The following HPS5 variants were observed in gnomAD, a reference collection of about 807,000 sequenced individuals.
HPS5 encodes the protein BLOC-2 complex member HPS5.
Under a neutral mutation model 128.0 loss-of-function variants are expected in HPS5, and 83 were observed. The ratio of observed to expected loss-of-function variants is 0.65; its 90% CI spans 0.54 to 0.78. HPS5 has a LOEUF of 0.78. Among genes scored for constraint, HPS5 ranks in the 30% least tolerant of loss-of-function variants. HPS5 has a pLI of 0.00. For missense variants in HPS5, 1,281 were observed against 1,326.2 expected, an observed-to-expected ratio of 0.97 and a Z score of 0.53; for synonymous variants, 475 against 470.2, an observed-to-expected ratio of 1.01 and a Z score of -0.13.
intron 22 of HPS5, among the ~76,000 whole-genome samples, chr11:18,281,360 C>T (rs962945027): frequency 4.0e-5 from 6 of 151,336 alleles, no homozygotes; most frequent in African/African-American, 1.2e-4. Flanking sequence ...TCCCCAAGTA[C>T]TGGGATTACA....
At chr11:18,313,423 G>A (rs759854828) in intron 2 of HPS5, among the ~76,000 whole-genome samples, 3 of 152,224 alleles carry the variant, frequency 2.0e-5, no homozygotes, top group Non-Finnish European at 4.4e-5. Flanking sequence ...ACAATGTATA[G>A]CCAATCAATA....
intron 2 of HPS5, among the ~76,000 whole-genome samples, chr11:18,314,244 TC>T: frequency 6.6e-6 from 1 of 150,708 alleles, no homozygotes; most frequent in African/African-American, 2.4e-5. Context: ...GCATCCCCCC[TC>T]CCCCGACCAG....
chr11:18,309,133 C>A, intron 5 of HPS5, 54 bp from the exon 6 acceptor site: 1 of 1,503,206 alleles, frequency 6.7e-7, no homozygotes, highest in Non-Finnish European at 9.2e-7. Context: ...CATACACATG[C>A]AATCTCTTCC....
chr11:18,296,042 G>A lies in HPS5; in HGVS notation c.1591C>T (p.Arg531Cys). 8.1e-6 allele frequency: 13 copies of A among 1,613,604 alleles called. No homozygotes were observed. Among genetic ancestry groups the A allele is most frequent in the South Asian group, 2.2e-5 (2 of 91,062 alleles). ...AGAGACACAAGAGGAGATGGAGAAC[G>A]AAATGGTAATGGAATGCCGAACGGG... ...FLPFGIPLPF[R>C]SPSPLVSLQA... The change falls in exon 13 of 23, where the codon CGT becomes TGT. Residue 531 changes from arginine (R) to cysteine (C), a missense_variant. Arg to Cys is a radical substitution (Grantham distance 180, BLOSUM62 -3). Transcript: ENST00000349215.
intron 6 of HPS5, among the ~76,000 whole-genome samples, chr11:18,307,518 ACAT>A (rs147968095): frequency 0.019 from 2,951 of 152,272 alleles, 102 homozygotes; most frequent in African/African-American, 0.068. Flanking sequence ...AGCTGGAGGA[ACAT>A]AATAAATGTT....
chr11:18,321,228 T>G (rs1864282634), intron 1 of HPS5, among the ~76,000 whole-genome samples: 1 of 152,252 alleles, frequency 6.6e-6, no homozygotes, highest in Non-Finnish European at 1.5e-5. Flanking sequence ...TCCCTGCTTC[T>G]TTTTCCAGCC....
intron 8 of HPS5, among the ~76,000 whole-genome samples, chr11:18,301,454 C>CAAAAAAAAAAAA (rs899074500): frequency 9.6e-5 from 5 of 52,034 alleles, no homozygotes; most frequent in African/African-American, 1.3e-4. Flanking sequence ...GACTCTGTCT[C>CAAAAAAAAAAAA]AAAAAAAAAA....
intron 7 of HPS5, 140 bp from the exon 8 acceptor site, chr11:18,305,633 T>C (rs1005656422): frequency 1.7e-6 from 1 of 602,648 alleles, no homozygotes; most frequent in African/African-American, 1.9e-5. Flanking sequence ...CGCCTGACAC[T>C]AATCATAGGA....
At chr11:18,316,862 T>C (rs559900212) in intron 2 of HPS5, among the ~76,000 whole-genome samples, 1 of 152,214 alleles carries the variant, frequency 6.6e-6, no homozygotes, top group African/African-American at 2.4e-5. Context: ...CTACTTGGTG[T>C]CAGTTAGTCT....
chr11:18,315,449 C>G (rs1054921217), intron 2 of HPS5, among the ~76,000 whole-genome samples: 1 of 151,998 alleles, frequency 6.6e-6, no homozygotes, highest in African/African-American at 2.4e-5. Flanking sequence ...TCTGTCTCTA[C>G]GAAAAACACA....
rs777675282 is a variant in HPS5 at position 18,310,779 on chromosome 11, C to A, written c.439G>T (p.Val147Phe). The change falls in exon 5 of 23, where the codon GTT becomes TTT. Residue 147 changes from valine (V) to phenylalanine (F), a missense_variant. Val to Phe is a conservative substitution (Grantham distance 50). Coordinates refer to ENST00000349215, the MANE Select transcript of HPS5 (RefSeq NM_181507.2). ...GAAGTATTGAGTTTGATAGCAGAAACCTTCCCAGCATGATCACCTACAAAA... is the reference window on the plus strand; with the variant it reads ...GAAGTATTGAGTTTGATAGCAGAAAACTTCCCAGCATGATCACCTACAAAA... The part of the protein sequence containing the change: ...RVFVGDHAGK[V>F]SAIKLNTSKQ... 3.7e-6 allele frequency: 6 copies of A among 1,614,002 alleles called. No homozygotes were observed. The Admixed American group carries it at 5.0e-5, about 13-fold the overall frequency.
intron 21 of HPS5, among the ~76,000 whole-genome samples, chr11:18,282,887 A>G (rs963941160): frequency 1.3e-5 from 2 of 152,236 alleles, no homozygotes; most frequent in Non-Finnish European, 2.9e-5. Flanking sequence ...TGGGGCCCAC[A>G]TAATGTGAAA....
rs753928208 is a variant in HPS5 at position 18,282,180 on chromosome 11, AAGG to A, written c.3096_3098del (p.Leu1033del). On this transcript the variant is annotated inframe_deletion, in exon 22 of 23. Transcript: ENST00000349215. Reference sequence around the variant, plus strand: ...TCGTGCTCTTGCTCTGTATGAGATGAAGGAGAAGCTTCCATTCCTCCACGGTCT... The same window carrying A: ...TCGTGCTCTTGCTCTGTATGAGATGAAGAAGCTTCCATTCCTCCACGGTCT... The A allele has an allele frequency of 1.2e-6, 2 of 1,614,040 alleles. No homozygotes were observed. Among genetic ancestry groups the A allele is most frequent in the African/African-American group, 1.3e-5 (1 of 74,902 alleles).
chr11:18,280,033 C>A, intron 22 of HPS5, 91 bp from the exon 23 acceptor site: 1 of 1,313,634 alleles, frequency 7.6e-7, no homozygotes, highest in East Asian at 2.4e-5. Context: ...TCAGAGGATT[C>A]AAAAAGTTGA....
intron 19 of HPS5, 117 bp downstream of exon 19, chr11:18,286,474 C>G (rs1859738468): frequency 4.8e-6 from 5 of 1,040,748 alleles, no homozygotes; most frequent in African/African-American, 1.6e-5. Flanking sequence ...CCTAGGAGGT[C>G]AAGGCTGCAG....
Position 18,279,513 on chromosome 11 carries a change from C to G in HPS5, c.*369G>C. ...ATGTGACCAGGATGAAAAGCTTCTG[C>G]TCCCAACATGGAAGCCACAGTAAGA... On this transcript the variant is annotated 3_prime_UTR_variant, in exon 23 of 23. Transcript: ENST00000349215. The G allele has an allele frequency of 4.0e-6, 1 of 250,896 alleles. No individual in the cohort carries two copies. The highest frequency in any genetic ancestry group is 7.8e-6 in the Non-Finnish European group (1 of 127,804). The allele number at this position is 250,896 out of a possible 1,614,324, so 15.5% of individuals were successfully genotyped here. A position where few individuals can be genotyped will look rare whatever the true frequency, so the allele number is the denominator to read the frequency against.
At position 18,296,078 on chromosome 11, in the gene HPS5, C is replaced by T. The variant is rs1489969567; in HGVS notation, c.1555G>A (p.Glu519Lys). ...APVMFETDKN[E>K]TFLPFGIPLP... ...GGAATGCCGAACGGGAGAAAAGTTTCATTCTTATCTGTCTCAAACATCACT... is the reference window on the plus strand; with the variant it reads ...GGAATGCCGAACGGGAGAAAAGTTTTATTCTTATCTGTCTCAAACATCACT... Residue 519 changes from glutamate to lysine, a missense_variant, in exon 13 of 23, where the codon GAA (glutamate) becomes AAA (lysine). By Grantham distance (56) the Glu-to-Lys change is moderately conservative. Transcript: ENST00000349215. 9 of 1,613,136 alleles carry T rather than the reference C, an allele frequency of 5.6e-6. No homozygotes were observed. The highest frequency in any genetic ancestry group is 6.8e-6 in the Non-Finnish European group (8 of 1,179,238).
At chr11:18,286,003 G>A (rs1478708911) in intron 19 of HPS5, among the ~76,000 whole-genome samples, 1 of 152,138 alleles carries the variant, frequency 6.6e-6, no homozygotes, top group African/African-American at 2.4e-5. Context: ...TCTTAATGTG[G>A]GCCCATGAAA....
intron 8 of HPS5, among the ~76,000 whole-genome samples, chr11:18,302,001 T>C (rs944638195): frequency 6.6e-6 from 1 of 152,014 alleles, no homozygotes; most frequent in African/African-American, 2.4e-5. Flanking sequence ...ACTATTCCAC[T>C]TAACTGAATT....
Sources: allele counts gnomAD v4.1 joint callset (sites outside exome capture counted in the v4.1 genomes callset), GRCh38; gene constraint gnomAD v4.1.1; transcripts MANE v1.5; gene names NCBI Gene and HGNC (gene_info 2026-07-23, HGNC 2026-07-21).